The following SNW1 variants were observed in gnomAD, a reference collection of about 807,000 sequenced individuals.
The protein encoded by SNW1 is SNW domain-containing protein 1.
SNW1 carries 9 observed loss-of-function variants against 75.6 expected under a neutral mutation model. The ratio of observed to expected loss-of-function variants is 0.12; its 90% CI spans 0.07 to 0.21. The LOEUF (loss-of-function observed/expected upper bound fraction) is 0.21, where lower values mean the gene tolerates loss of function less well. Among genes scored for constraint, SNW1 ranks in the 10% least tolerant of loss-of-function variants. The probability of loss-of-function intolerance (pLI) is 1.00; values close to 1 mark genes in which losing one functional copy is unlikely to be tolerated. For synonymous variants in SNW1, 200 were observed against 219.1 expected, an observed-to-expected ratio of 0.91 and a Z score of 0.77; for missense variants, 409 against 670.9, an observed-to-expected ratio of 0.61 and a Z score of 4.31.
chr14:77,740,907 A>C (rs936615338), intron 3 of SNW1, among the ~76,000 whole-genome samples: 1 of 151,388 alleles, frequency 6.6e-6, no homozygotes, highest in African/African-American at 2.4e-5. Flanking sequence ...GACCAGCCTG[A>C]CCAACATGGT....
intron 3 of SNW1, among the ~76,000 whole-genome samples, chr14:77,743,510 G>A (rs1288928050): frequency 1.3e-5 from 2 of 152,112 alleles, no homozygotes; most frequent in African/African-American, 4.8e-5. Flanking sequence ...CGTTTCTGAA[G>A]AATACCAGAC....
Position 77,754,948 on chromosome 14 carries a change from A to G in SNW1, c.168+19T>C. ...TTTCAGCACAATTTAACAAATCTAAACTTAAGATCTATATGTACCTCTAAT... is the reference window on the plus strand; with the variant it reads ...TTTCAGCACAATTTAACAAATCTAAGCTTAAGATCTATATGTACCTCTAAT... On this transcript the variant is annotated intron_variant, in intron 2 of 13. Coordinates refer to ENST00000261531, the MANE Select transcript of SNW1 (RefSeq NM_012245.3). The G allele has an allele frequency of 6.5e-7, 1 of 1,545,938 alleles. No homozygotes were observed. Among genetic ancestry groups the G allele is most frequent in the Non-Finnish European group, 8.7e-7 (1 of 1,145,842 alleles).
intron 3 of SNW1, among the ~76,000 whole-genome samples, chr14:77,748,941 C>A (rs2080786086): frequency 6.6e-6 from 1 of 152,032 alleles, no homozygotes; most frequent in Non-Finnish European, 1.5e-5. Flanking sequence ...AAAATGACTC[C>A]CAGGCTTTCA....
intron 6 of SNW1, 35 bp from the exon 7 acceptor site, chr14:77,736,041 G>A (rs200806047): frequency 2.0e-6 from 3 of 1,500,834 alleles, no homozygotes; most frequent in East Asian, 2.3e-5. Context: ...GAGTGATATA[G>A]TTTCCTCCCT....
Position 77,718,295 on chromosome 14 carries a change from A to G in SNW1, c.1413-9T>C. ...CCTTGTCGGGAACAAATCTAAGGAA[A>G]AGGAGAAAAAACTATGAACTACTTT... On this transcript the variant is annotated splice_polypyrimidine_tract_variant and intron_variant, in intron 13 of 13. Coordinates refer to ENST00000261531, the MANE Select transcript of SNW1 (RefSeq NM_012245.3). The G allele has an allele frequency of 1.2e-6, 2 of 1,614,042 alleles. No individual in the cohort carries two copies. The highest frequency in any genetic ancestry group is 1.7e-6 in the Non-Finnish European group (2 of 1,179,938).
Position 77,718,161 on chromosome 14 carries a change from C to A in SNW1, c.1538G>T (p.Gly513Val). Residue 513 changes from glycine to valine, a missense_variant, in exon 14 of 14, where the codon GGC (glycine) becomes GTC (valine). Gly to Val is a moderately radical substitution (Grantham distance 109). Around this residue, in one of 9 missense-constraint regions of SNW1, gnomAD observed 24 missense variants for 31.0 expected, o/e 0.77. Transcript: ENST00000261531. ...KFLEEAKQHG[G>V]SKRPSDSSRP... ...GCTGCTATCTGAGGGTCTTTTAGAG[C>A]CACCATGCTGTTTGGCTTCTTCCAA... 1.9e-6 allele frequency: 3 copies of A among 1,613,462 alleles called. No individual in the cohort carries two copies. The highest frequency in any genetic ancestry group is 2.5e-6 in the Non-Finnish European group (3 of 1,179,766).
intron 10 of SNW1, 103 bp downstream of exon 10, chr14:77,730,885 G>T: frequency 8.3e-7 from 1 of 1,199,496 alleles, no homozygotes; most frequent in Non-Finnish European, 1.2e-6. Context: ...TCTAAATTTT[G>T]TTTATATGTA....
At chr14:77,722,580 A>G in intron 11 of SNW1, 1 of 416,738 alleles carries the variant, frequency 2.4e-6, no homozygotes, top group East Asian at 7.1e-5. Context: ...ATTTACTACT[A>G]CATCCTTTTC....
chr14:77,744,101 A>C (rs984616443), intron 3 of SNW1, among the ~76,000 whole-genome samples: 17 of 149,140 alleles, frequency 1.1e-4, no homozygotes, highest in African/African-American at 4.0e-4. Flanking sequence ...GTGCCACTGC[A>C]TTTCAGCCTG....
chr14:77,760,544 A>C (rs1269772004), intron 1 of SNW1: 1 of 651,592 alleles, frequency 1.5e-6, no homozygotes, highest in Non-Finnish European at 2.8e-6. Context: ...CTACGGAAGA[A>C]ATTCTAAGCT....
At chr14:77,722,495 T>C in intron 11 of SNW1, 1 of 455,758 alleles carries the variant, frequency 2.2e-6, no homozygotes. Flanking sequence ...GAAAGCTTAT[T>C]TCCTGTCTAA....
At chr14:77,739,192 A>AT (rs1193881038) in intron 3 of SNW1, 131 bp from the exon 4 acceptor site, 7 of 693,072 alleles carry the variant, frequency 1.0e-5, no homozygotes, top group Non-Finnish European at 1.8e-5. Context: ...TCTCTTTTAG[A>AT]TTTTAAAACC....
chr14:77,718,338 C>T (rs375854478), intron 13 of SNW1, 29 bp downstream of exon 13: 9 of 1,614,070 alleles, frequency 5.6e-6, no homozygotes, highest in Non-Finnish European at 7.6e-6. Context: ...CCAGTGTAAA[C>T]ACTGAAATTG....
At chr14:77,727,139 T>C (rs2080592215) in intron 10 of SNW1, among the ~76,000 whole-genome samples, 1 of 152,218 alleles carries the variant, frequency 6.6e-6, no homozygotes, top group Admixed American at 6.5e-5. Flanking sequence ...CTGTAACCTC[T>C]GCCTCCTGGG....
At chr14:77,757,719 C>T (rs755574866) in intron 1 of SNW1, among the ~76,000 whole-genome samples, 1 of 152,180 alleles carries the variant, frequency 6.6e-6, no homozygotes, top group Non-Finnish European at 1.5e-5. Flanking sequence ...GCAGGAATCA[C>T]GCCTTATGCT....
rs200225930 is a variant in SNW1 at position 77,739,053 on chromosome 14, A to G, written c.339T>C (p.Tyr113=). ...RQGQSKDKVI[Y]SKYTDLVPKE... ...TTGGAACCAGGTCAGTGTATTTGCT[A>G]TAAATGACCTAAAATGTTCAAACAC... The change falls in exon 4 of 14, where the codon TAT becomes TAC. Residue 113 remains tyrosine, a synonymous_variant. Coordinates refer to ENST00000261531, the MANE Select transcript of SNW1 (RefSeq NM_012245.3). 161 of 1,611,912 alleles carry G rather than the reference A, an allele frequency of 1.0e-4. 1 individual carries two copies. The highest frequency in any genetic ancestry group is 1.3e-4 in the Non-Finnish European group (153 of 1,178,600).
intron 10 of SNW1, among the ~76,000 whole-genome samples, chr14:77,724,121 C>T (rs534627176): frequency 2.6e-5 from 4 of 152,184 alleles, no homozygotes; most frequent in South Asian, 2.1e-4. Context: ...TGCAGTAAAT[C>T]GGACAGACAG....
chr14:77,717,624 A>G lies in SNW1; in HGVS notation c.*464T>C. Reference sequence around the variant, plus strand: ...TTTTGTCTAAATGTTTTTATTTGAAACAAATAGTTGCACCAAGCAAGAGGT... The same window carrying G: ...TTTTGTCTAAATGTTTTTATTTGAAGCAAATAGTTGCACCAAGCAAGAGGT... On this transcript the variant is annotated 3_prime_UTR_variant, in exon 14 of 14. Coordinates refer to ENST00000261531, the MANE Select transcript of SNW1 (RefSeq NM_012245.3). 1 of 1,495,154 alleles carries G rather than the reference A, an allele frequency of 6.7e-7. No individual in the cohort carries two copies. The highest frequency in any genetic ancestry group is 1.7e-5 in the Admixed American group (1 of 57,506). 92.6% of individuals were successfully genotyped at this position (1,495,154 alleles called of 1,614,324 possible).
chr14:77,729,215 G>A (rs2080609458), intron 10 of SNW1, among the ~76,000 whole-genome samples: 1 of 152,044 alleles, frequency 6.6e-6, no homozygotes, highest in African/African-American at 2.4e-5. Context: ...TCCCAAACCT[G>A]TTCCTCCTGC....
Sources: gnomAD v4.1 joint callset for allele counts (sites outside exome capture counted in the v4.1 genomes callset) on GRCh38, gnomAD v4.1.1 for gene constraint, gnomAD v4.1.1 regional missense constraint, MANE v1.5 for transcripts, NCBI Gene and HGNC (gene_info 2026-07-23, HGNC 2026-07-21) for gene names.